The following NBR1 variants were observed in gnomAD, a reference collection of about 807,000 sequenced individuals.
NBR1 encodes the protein NBR1 autophagy cargo receptor.
Under a neutral mutation model 115.5 loss-of-function variants are expected in NBR1, and 59 were observed. The observed-to-expected ratio is 0.51, with a 90% CI of 0.41 to 0.63. The LOEUF (loss-of-function observed/expected upper bound fraction) is 0.63. Ranked by LOEUF, NBR1 falls within the 30% of genes least tolerant of loss-of-function variation. The pLI, the probability that NBR1 is intolerant of heterozygous loss-of-function variation, is 0.00. For missense variants in NBR1, 1,043 were observed against 1,150.5 expected (o/e 0.91, Z 1.35); for synonymous variants, 373 against 414.7 (o/e 0.90, Z 1.22).
chr17:43,199,242 A>ATTTT (rs901918112), intron 16 of NBR1, among the ~76,000 whole-genome samples: 2 of 146,276 alleles, frequency 1.4e-5, no homozygotes, highest in African/African-American at 5.0e-5. Context: ...AATGAGCTAA[A>ATTTT]TTTTTTTTTT....
chr17:43,177,620 C>CACACACACAG (rs1330894405), intron 2 of NBR1, among the ~76,000 whole-genome samples: 259 of 141,668 alleles, frequency 1.8e-3, no homozygotes, highest in African/African-American at 6.4e-3. Flanking sequence ...CACACACACA[C>CACACACACAG]AGTTTGGTAT....
In NBR1 at chr17:43,191,529, C is replaced by A; in HGVS notation, c.1021C>A (p.Pro341Thr). Residue 341 changes from proline (P) to threonine (T), a missense_variant, in exon 10 of 21, where the codon CCC (proline) becomes ACC (threonine). Physicochemically the swap from Pro to Thr is conservative, Grantham distance 38 (BLOSUM62 -1). Coordinates refer to ENST00000590996, the MANE Select transcript of NBR1 (RefSeq NM_005899.5). Reference protein sequence around the residue: ...LWNSIHGLQSPKSPLGRPESL... With the variant: ...LWNSIHGLQSTKSPLGRPESL... Reference sequence around the variant, plus strand: ...GAATTCAATCCATGGACTCCAGAGCCCCAAGTCTCCTTTAGGCCGACCTGA... The same window carrying A: ...GAATTCAATCCATGGACTCCAGAGCACCAAGTCTCCTTTAGGCCGACCTGA... 6.2e-7 allele frequency: 1 copy of A among 1,613,354 alleles called. No homozygotes were observed. The highest frequency in any genetic ancestry group is 8.5e-7 in the Non-Finnish European group (1 of 1,179,636).
intron 5 of NBR1, among the ~76,000 whole-genome samples, chr17:43,184,932 T>TA (rs2056763696): frequency 6.6e-6 from 1 of 151,504 alleles, no homozygotes; most frequent in Non-Finnish European, 1.5e-5. Flanking sequence ...CTACTAAAAA[T>TA]ACAAAAATTA....
chr17:43,210,939 G>A lies in NBR1; in HGVS notation c.*865G>A, dbSNP rs1056560674. On this transcript the variant is annotated 3_prime_UTR_variant, in exon 21 of 21. Coordinates refer to ENST00000590996, the MANE Select transcript of NBR1 (RefSeq NM_005899.5). ...GATCTTATTTTACAGTACAGTGGGG[G>A]AAATAGAAACATGTGAAAGGCAAAA... 1.1e-5 allele frequency: 4 copies of A among 379,658 alleles called. No homozygotes were observed. Among genetic ancestry groups the A allele is most frequent in the Admixed American group, 4.5e-5 (1 of 22,208 alleles). The allele number at this position is 379,658 out of a possible 1,614,324, so 23.5% of individuals were successfully genotyped here.
intron 7 of NBR1, 144 bp downstream of exon 7, chr17:43,189,263 C>T (rs2056889162): frequency 1.5e-6 from 1 of 672,588 alleles, no homozygotes; most frequent in Admixed American, 2.5e-5. Flanking sequence ...TAGAACAGTT[C>T]CAGTCGAGAA....
chr17:43,209,081 GTT>G (rs796984826), intron 20 of NBR1, among the ~76,000 whole-genome samples: 1 of 144,392 alleles, frequency 6.9e-6, no homozygotes, highest in African/African-American at 2.5e-5. Flanking sequence ...ACCTATTCTT[GTT>G]TTTTTTTTTT....
At chr17:43,181,885 A>G (rs1179151640) in intron 5 of NBR1, among the ~76,000 whole-genome samples, 4 of 150,902 alleles carry the variant, frequency 2.7e-5, no homozygotes, top group Non-Finnish European at 4.4e-5. Flanking sequence ...TTGGGAGGCC[A>G]AGGCAGGAGA....
intron 2 of NBR1, chr17:43,176,188 A>G (rs1355697657): frequency 3.4e-6 from 1 of 291,890 alleles, no homozygotes; most frequent in Non-Finnish European, 6.4e-6. Flanking sequence ...AACCAGTATG[A>G]GGAGTGAATT....
chr17:43,189,961 C>T, intron 8 of NBR1, 159 bp downstream of exon 8: 1 of 654,352 alleles, frequency 1.5e-6, no homozygotes, highest in East Asian at 2.6e-5. Flanking sequence ...CACCCACATG[C>T]TTTGTATGTT....
chr17:43,190,119 G>C (rs1269175051), intron 8 of NBR1: 4 of 304,270 alleles, frequency 1.3e-5, no homozygotes, highest in Non-Finnish European at 2.5e-5. Context: ...TTGGTGACAG[G>C]GTCTCTGTCA....
chr17:43,180,641 A>G, intron 4 of NBR1, 154 bp from the exon 5 acceptor site: 1 of 849,884 alleles, frequency 1.2e-6, no homozygotes, highest in East Asian at 4.3e-5. Flanking sequence ...CATGTTGTAC[A>G]GTCCATCTTT....
chr17:43,202,585 C>T (rs1053408069), intron 18 of NBR1, 70 bp from the exon 19 acceptor site: 7 of 1,126,632 alleles, frequency 6.2e-6, no homozygotes, highest in Admixed American at 2.2e-5. Flanking sequence ...CAATAATAGC[C>T]TTGCTGTGAG....
chr17:43,209,043 T>TTGAA (rs1436824685), intron 20 of NBR1, among the ~76,000 whole-genome samples: 2 of 151,866 alleles, frequency 1.3e-5, no homozygotes, highest in Non-Finnish European at 2.9e-5. Flanking sequence ...ACCACAGGGC[T>TTGAA]TGAATGAATG....
rs71160024 is a variant in NBR1, at chr17:43,184,372, C to CTTTTTTTTTTTTTTTTTTT, written c.208-1867_208-1866insTTTTTTTTTTTTTTTTTTT. ...CCTCTCATCGCCCCAAAATACTATT[C>CTTTTTTTTTTTTTTTTTTT]TTTTTTTTTTTGAGACAGAGTCTCA... On this transcript the variant is annotated intron_variant, in intron 5 of 20. Transcript: ENST00000590996. 5.5e-4 allele frequency among the ~76,000 whole-genome samples: 53 copies of CTTTTTTTTTTTTTTTTTTT among 96,186 alleles called. 5 individuals carry two copies. Among genetic ancestry groups the CTTTTTTTTTTTTTTTTTTT allele is most frequent in the Admixed American group, 1.2e-3 (8 of 6,618 alleles). The allele number at this position is 96,186 out of a possible 152,430, so 63.1% of individuals were successfully genotyped here.
chr17:43,209,024 A>G lies in NBR1; in HGVS notation c.2728-877A>G, dbSNP rs547789802. ...CAAGCGTTTAAGGATTTAGGAAGGT[A>G]ATGCTTCCACCACAGGGCTTGAATG... On this transcript the variant is annotated intron_variant, in intron 20 of 20. Transcript: ENST00000590996. 7.2e-5 allele frequency among the ~76,000 whole-genome samples: 11 copies of G among 152,196 alleles called. 1 individual carries two copies. The South Asian group carries it at 2.3e-3, about 32-fold the overall frequency.
intron 18 of NBR1, among the ~76,000 whole-genome samples, chr17:43,202,423 A>G (rs1052302293): frequency 6.6e-6 from 1 of 151,874 alleles, no homozygotes; most frequent in African/African-American, 2.4e-5. Context: ...TTAGGATTAT[A>G]GAGTTGATTT....
In NBR1 at chr17:43,210,037, A is replaced by G. The variant is rs1410230190; in HGVS notation, c.2864A>G (p.Gln955Arg). The G allele has an allele frequency of 7.5e-6, 12 of 1,609,988 alleles. No individual in the cohort carries two copies. The Admixed American group carries it at 1.2e-4, about 16-fold the overall frequency. The change falls in exon 21 of 21, where the codon CAG becomes CGG. Residue 955 changes from glutamine to arginine, a missense_variant. Physicochemically the swap from Gln to Arg is conservative, Grantham distance 43. Transcript: ENST00000590996. Reference sequence around the variant, plus strand: ...CTGCAGGTTGTGACAGAACTTCTTCAGTTAAACAACAACGACTGGTACAGC... The same window carrying G: ...CTGCAGGTTGTGACAGAACTTCTTCGGTTAAACAACAACGACTGGTACAGC... The part of the protein sequence containing the change: ...NILQVVTELL[Q>R]LNNNDWYSQR...
In NBR1 at chr17:43,194,352, A is replaced by G. The variant is rs746920005; in HGVS notation, c.1527A>G (p.Glu509=). The stretch of plus-strand genomic sequence containing the variant: ...GTCTCAATGGTTTGTCTCTATAGGA[A>G]ACTTTTCTTCTGGCTAAAGAAGAAA... ...KTDDLTCQQE[E]TFLLAKEERQ... is the part of the protein sequence containing the mutation. The change falls in exon 13 of 21, where the codon GAA becomes GAG. Residue 509 remains glutamate (E), a splice_region_variant and synonymous_variant. Transcript: ENST00000590996. 6.2e-7 allele frequency: 1 copy of G among 1,612,714 alleles called. No individual in the cohort carries two copies. The highest frequency in any genetic ancestry group is 8.5e-7 in the Non-Finnish European group (1 of 1,179,310).
At chr17:43,192,660 C>T (rs2056976565) in intron 10 of NBR1, among the ~76,000 whole-genome samples, 1 of 152,184 alleles carries the variant, frequency 6.6e-6, no homozygotes, top group Non-Finnish European at 1.5e-5. Context: ...TGAGCCACCG[C>T]GCCTGGCCAA....
Sources: allele counts gnomAD v4.1 joint callset (sites outside exome capture counted in the v4.1 genomes callset), GRCh38; gene constraint gnomAD v4.1.1; transcripts MANE v1.5; gene names NCBI Gene and HGNC (gene_info 2026-07-23, HGNC 2026-07-21).